Variants in BLVRB observed in about 807,000 individuals in gnomAD.
BLVRB encodes biliverdin reductase B.
BLVRB carries 25 observed loss-of-function variants against 21.1 expected under a neutral mutation model. That is an observed-to-expected ratio of 1.19 (90% CI 0.86 to 1.66). The LOEUF is 1.66. Among genes scored for constraint, BLVRB ranks in the 40% most tolerant of loss-of-function variants. BLVRB has a pLI of 0.00. For missense variants in BLVRB, 274 were observed against 282.7 expected, an observed-to-expected ratio of 0.97 and a Z score of 0.22; for synonymous variants, 128 against 122.2, an observed-to-expected ratio of 1.05 and a Z score of -0.31.
At position 40,448,006 on chromosome 19, in the gene BLVRB, A is replaced by G. The variant is rs985015381; in HGVS notation, c.504T>C (p.Asp168=). Residue 168 remains aspartate, a synonymous_variant, in exon 5 of 5, where the codon GAT becomes GAC. Transcript: ENST00000263368. ...PLTGAYTVTL[D]GRGPSRVISK... is the part of the protein sequence containing the mutation. ...AGATGACCCTTGAGGGCCCTCGTCC[A>G]TCCAGGGTCACTGTGTACGCCCCAG... 5 of 1,613,890 alleles carry G rather than the reference A, an allele frequency of 3.1e-6. No homozygotes were observed. In the East Asian group the frequency reaches 1.1e-4, roughly 36 times the overall value.
chr19:40,449,179 G>A (rs1599684976), intron 4 of BLVRB, among the ~76,000 whole-genome samples: 1 of 152,166 alleles, frequency 6.6e-6, no homozygotes, highest in East Asian at 1.9e-4. Flanking sequence ...CAGAATGTGG[G>A]CCTTTAAAGT....
intron 1 of BLVRB, among the ~76,000 whole-genome samples, chr19:40,462,183 C>G (rs1273117315): frequency 6.6e-6 from 1 of 152,144 alleles, no homozygotes; most frequent in Admixed American, 6.5e-5. Context: ...CCTCCCCGTG[C>G]TATGTGACCA....
intron 1 of BLVRB, among the ~76,000 whole-genome samples, chr19:40,460,501 G>A (rs770948831): frequency 1.3e-5 from 2 of 150,954 alleles, no homozygotes; most frequent in Non-Finnish European, 2.9e-5. Flanking sequence ...GTGTGCTGGC[G>A]CAACCTGTAG....
At chr19:40,464,527 G>A (rs1483298003) in intron 1 of BLVRB, among the ~76,000 whole-genome samples, 2 of 152,174 alleles carry the variant, frequency 1.3e-5, no homozygotes, top group Non-Finnish European at 2.9e-5. Flanking sequence ...CAGCAGGGTG[G>A]GCGAGTGGAA....
At chr19:40,451,104 A>G (rs917189581) in intron 4 of BLVRB, among the ~76,000 whole-genome samples, 1 of 152,160 alleles carries the variant, frequency 6.6e-6, no homozygotes, top group Non-Finnish European at 1.5e-5. Context: ...CTTTCTGGTG[A>G]CCAGACCTGA....
At chr19:40,454,295 G>A (rs546992646) in intron 3 of BLVRB, among the ~76,000 whole-genome samples, 4 of 151,918 alleles carry the variant, frequency 2.6e-5, no homozygotes, top group African/African-American at 9.7e-5. Flanking sequence ...CACCTGGCTA[G>A]TTTTTGTATT....
intron 3 of BLVRB, among the ~76,000 whole-genome samples, chr19:40,456,370 C>A (rs776337810): frequency 6.6e-6 from 1 of 150,828 alleles, no homozygotes; most frequent in African/African-American, 2.4e-5. Flanking sequence ...GTACAATGAG[C>A]TATGATCAGG....
intron 3 of BLVRB, among the ~76,000 whole-genome samples, chr19:40,455,742 A>G (rs894423184): frequency 1.3e-5 from 2 of 152,208 alleles, no homozygotes; most frequent in African/African-American, 4.8e-5. Flanking sequence ...TTAGGAGAAC[A>G]AAAACAAAAT....
At chr19:40,448,095 T>TC in intron 4 of BLVRB, 49 bp from the exon 5 acceptor site, 1 of 1,568,872 alleles carries the variant, frequency 6.4e-7, no homozygotes, top group Non-Finnish European at 8.7e-7. Context: ...ACCTTTCCCT[T>TC]CCCCCAAAAT....
chr19:40,459,791 G>A (rs755815964), intron 1 of BLVRB, among the ~76,000 whole-genome samples: 2 of 152,118 alleles, frequency 1.3e-5, no homozygotes, highest in Admixed American at 1.3e-4. Context: ...GGCTGGTCTT[G>A]AACTCCTAAC....
At chr19:40,452,203 C>A (rs777143672) in intron 3 of BLVRB, among the ~76,000 whole-genome samples, 1 of 152,212 alleles carries the variant, frequency 6.6e-6, no homozygotes, top group Admixed American at 6.5e-5. Flanking sequence ...AGCCCTCTGA[C>A]GTCCTTGCCT....
intron 4 of BLVRB, among the ~76,000 whole-genome samples, chr19:40,448,333 G>A (rs1260899724): frequency 6.6e-6 from 1 of 151,980 alleles, no homozygotes; most frequent in Non-Finnish European, 1.5e-5. Flanking sequence ...GCTCATGCCT[G>A]TAATCCTGGC....
rs150228804 is a variant in BLVRB at position 40,458,447 on chromosome 19, C to T, written c.178G>A (p.Asp60Asn). 5.0e-5 allele frequency: 80 copies of T among 1,597,856 alleles called. No homozygotes were observed. In the South Asian group the frequency reaches 5.9e-4, roughly 12 times the overall value. The change falls in exon 2 of 5, where the codon GAT (aspartate) becomes AAT (asparagine). Residue 60 changes from aspartate (D) to asparagine (N), a missense_variant. Transcript: ENST00000263368. Reference protein sequence around the residue: ...VVVGDVLQAADVDKTVAGQDA... With the variant: ...VVVGDVLQAANVDKTVAGQDA... ...TGCCCAGCCACGGTCTTGTCCACAT[C>T]GGCTGCCTGCAGAACATCTCCCACT...
rs748694378 is a variant in BLVRB, at chr19:40,454,848, T to C, written c.334+3307A>G. On this transcript the variant is annotated intron_variant, in intron 3 of 4. Coordinates refer to ENST00000263368, the MANE Select transcript of BLVRB (RefSeq NM_000713.3). ...GCGTGAGCCACAGCACCCGGCTGTT[T>C]TGTTGTGTTTTGAGACAGGGTCTTG... 8.8e-4 allele frequency among the ~76,000 whole-genome samples: 130 copies of C among 148,328 alleles called. 2 individuals carry two copies. The highest frequency in any genetic ancestry group is 3.7e-3 in the Middle Eastern group (1 of 268).
rs1411295080 is a variant in BLVRB, at chr19:40,458,243, A to G, written c.246T>C (p.Ser82=). ...IVLLGTRNDL[S]PTTVMSEGAR... ...CGCCCTCGGACATCACTGTCGTGGG[A>G]CCTTAGAGGGGACAGAGAGTGGCTG... The change falls in exon 3 of 5, where the codon AGT becomes AGC. Residue 82 remains serine (S), a splice_region_variant and synonymous_variant. Transcript: ENST00000263368. 1 of 1,607,492 alleles carries G rather than the reference A, an allele frequency of 6.2e-7. No individual in the cohort carries two copies. The highest frequency in any genetic ancestry group is 1.3e-5 in the African/African-American group (1 of 74,342).
intron 3 of BLVRB, among the ~76,000 whole-genome samples, chr19:40,452,173 C>T (rs1159033323): frequency 6.6e-6 from 1 of 152,120 alleles, no homozygotes; most frequent in Non-Finnish European, 1.5e-5. Flanking sequence ...CCTCAAGGCC[C>T]CACCTGATAT....
At chr19:40,455,616 T>C (rs2079759058) in intron 3 of BLVRB, among the ~76,000 whole-genome samples, 1 of 152,184 alleles carries the variant, frequency 6.6e-6, no homozygotes, top group Admixed American at 6.6e-5. Flanking sequence ...GAGAATCCCT[T>C]GAACCCAGGA....
chr19:40,454,910 C>T (rs1040412668), intron 3 of BLVRB, among the ~76,000 whole-genome samples: 4 of 152,236 alleles, frequency 2.6e-5, no homozygotes, highest in African/African-American at 7.2e-5. Context: ...GGTGCCATCA[C>T]GGCTCACTGC....
At chr19:40,459,001 C>G (rs1211123471) in intron 1 of BLVRB, among the ~76,000 whole-genome samples, 1 of 151,794 alleles carries the variant, frequency 6.6e-6, no homozygotes, top group Non-Finnish European at 1.5e-5. Flanking sequence ...GGCATACCTA[C>G]AGTTGATGCT....
Sources: allele counts gnomAD v4.1 joint callset (sites outside exome capture counted in the v4.1 genomes callset), GRCh38; gene constraint gnomAD v4.1.1; transcripts MANE v1.5; gene names NCBI Gene and HGNC (gene_info 2026-07-23, HGNC 2026-07-21).